The following CDH12 variants were observed in gnomAD, a reference collection of about 807,000 sequenced individuals.
CDH12 encodes the protein cadherin 12, also known as cadherin-12.
Under a neutral mutation model 74.1 loss-of-function variants are expected in CDH12, and 41 were observed. That is an observed-to-expected ratio of 0.55 (90% CI 0.43 to 0.72). The LOEUF is 0.72. CDH12 is among the 30% of genes least tolerant of loss of function. The probability of loss-of-function intolerance (pLI) is 0.00; values close to 1 mark genes in which losing one functional copy is unlikely to be tolerated. For missense variants in CDH12, 945 were observed against 977.2 expected (o/e 0.97, Z 0.44); for synonymous variants, 399 against 355.0 (o/e 1.12, Z -1.39).
At chr5:22,413,547 A>G (rs943548184) in intron 2 of CDH12, among the ~76,000 whole-genome samples, 13 of 152,018 alleles carry the variant, frequency 8.6e-5, no homozygotes, top group Non-Finnish European at 1.3e-4. Context: ...TATTGCTTTG[A>G]AAAGTGAATA....
chr5:22,132,138 A>C (rs535615454), intron 4 of CDH12, among the ~76,000 whole-genome samples: 1 of 152,056 alleles, frequency 6.6e-6, no homozygotes, highest in African/African-American at 2.4e-5. Flanking sequence ...ATACAGGTAT[A>C]GATAAACATA....
At chr5:21,952,803 C>T (rs926454703) in intron 6 of CDH12, among the ~76,000 whole-genome samples, 40 of 150,536 alleles carry the variant, frequency 2.7e-4, no homozygotes, top group African/African-American at 9.3e-4. Context: ...GGGAGTCAGC[C>T]CTACGAATGA....
In CDH12 at chr5:22,469,668, A is replaced by G. The variant is rs531300164; in HGVS notation, c.-428+35602T>C. ...TTTACTTCAACCTGTAACAGGTTCA[A>G]TGGCAGTCATTTTCCAGTGTTATCT... On this transcript the variant is annotated intron_variant, in intron 2 of 14. Coordinates refer to ENST00000382254, the MANE Select transcript of CDH12 (RefSeq NM_004061.5). Among the ~76,000 whole-genome samples, 3 of 152,246 alleles carry G rather than the reference A, an allele frequency of 2.0e-5. No homozygotes were observed. In the South Asian group the frequency reaches 6.2e-4, roughly 32 times the overall value.
chr5:22,487,402 G>A (rs1471539554), intron 2 of CDH12, among the ~76,000 whole-genome samples: 4 of 152,028 alleles, frequency 2.6e-5, no homozygotes, highest in Non-Finnish European at 4.4e-5. Flanking sequence ...AATGTATATC[G>A]CATAATCACA....
intron 1 of CDH12, among the ~76,000 whole-genome samples, chr5:22,567,164 C>G (rs184366248): frequency 6.1e-4 from 93 of 152,214 alleles, no homozygotes; most frequent in Middle Eastern, 3.4e-3. Flanking sequence ...AGCAGCTACG[C>G]ATCAAAGTAA....
At chr5:21,950,791 T>TTA (rs1554047083) in intron 6 of CDH12, among the ~76,000 whole-genome samples, 2 of 130,960 alleles carry the variant, frequency 1.5e-5, no homozygotes, top group African/African-American at 6.1e-5. Context: ...ATTATTATTA[T>TTA]TATTATTATT....
At chr5:22,145,715 G>A (rs1747117715) in intron 4 of CDH12, among the ~76,000 whole-genome samples, 1 of 152,134 alleles carries the variant, frequency 6.6e-6, no homozygotes, top group Non-Finnish European at 1.5e-5. Flanking sequence ...GGTATAAACT[G>A]TGGCAGAAAG....
chr5:22,029,596 TA>T (rs1738665411), intron 5 of CDH12, among the ~76,000 whole-genome samples: 1 of 152,188 alleles, frequency 6.6e-6, no homozygotes, highest in South Asian at 2.1e-4. Context: ...TGGCAATCAT[TA>T]AAAAGTCAGG....
At chr5:22,077,447 C>A (rs1209197340) in intron 5 of CDH12, among the ~76,000 whole-genome samples, 1 of 152,050 alleles carries the variant, frequency 6.6e-6, no homozygotes, top group East Asian at 1.9e-4. Context: ...GGATTTGCTG[C>A]TCAAGAGTCA....
intron 1 of CDH12, among the ~76,000 whole-genome samples, chr5:22,728,187 G>T (rs954397757): frequency 6.6e-6 from 1 of 151,358 alleles, no homozygotes; most frequent in Non-Finnish European, 1.5e-5. Flanking sequence ...AAAAGCTATT[G>T]ATTGAATTCT....
intron 3 of CDH12, among the ~76,000 whole-genome samples, chr5:22,402,716 CT>C (rs1166816756): frequency 1.3e-5 from 2 of 152,050 alleles, no homozygotes; most frequent in Admixed American, 6.6e-5. Flanking sequence ...AGAGCAAATT[CT>C]AAAGAGAGGG....
rs1339007245 is a variant in CDH12 at position 22,796,538 on chromosome 5, G to A, written c.-523+56520C>T. ...TCTTTTTTTTTTTTTTTTTTTTTTT[G>A]AGACGGAGTCTCGCTCTGTCGCCCA... On this transcript the variant is annotated intron_variant, in intron 1 of 14. Transcript: ENST00000382254. 5.7e-5 allele frequency among the ~76,000 whole-genome samples: 2 copies of A among 34,790 alleles called. 1 individual carries two copies. The highest frequency in any genetic ancestry group is 2.2e-4 in the African/African-American group (2 of 8,916). 22.8% of individuals were successfully genotyped at this position (34,790 alleles called of 152,430 possible).
chr5:22,785,495 T>C (rs1747577164), intron 1 of CDH12, among the ~76,000 whole-genome samples: 1 of 152,068 alleles, frequency 6.6e-6, no homozygotes, highest in South Asian at 2.1e-4. Flanking sequence ...CTATTTTCTG[T>C]TATGTTTTGT....
intron 1 of CDH12, among the ~76,000 whole-genome samples, chr5:22,740,423 TA>T (rs71609777): frequency 1.7e-3 from 244 of 143,756 alleles, no homozygotes; most frequent in Middle Eastern, 3.7e-3. Context: ...ATTCATTAGG[TA>T]AAAAAAAAAA....
intron 1 of CDH12, among the ~76,000 whole-genome samples, chr5:22,716,624 A>C (rs140233542): frequency 8.4e-5 from 12 of 142,832 alleles, no homozygotes; most frequent in South Asian, 4.5e-4. Flanking sequence ...AAAAAAAAAA[A>C]CAAAAAATAA....
intron 1 of CDH12, among the ~76,000 whole-genome samples, chr5:22,641,765 C>G (rs1739164890): frequency 6.6e-6 from 1 of 152,156 alleles, no homozygotes; most frequent in South Asian, 2.1e-4. Flanking sequence ...AAAAAGATAT[C>G]TTAAAATTTT....
At chr5:22,429,359 G>C (rs1051788157) in intron 2 of CDH12, among the ~76,000 whole-genome samples, 4 of 151,830 alleles carry the variant, frequency 2.6e-5, no homozygotes, top group African/African-American at 9.7e-5. Flanking sequence ...GGTTGTTCTT[G>C]AATTCCTGGA....
chr5:21,816,518 A>T (rs993883805), intron 9 of CDH12, among the ~76,000 whole-genome samples: 1 of 148,954 alleles, frequency 6.7e-6, no homozygotes, highest in Non-Finnish European at 1.5e-5. Flanking sequence ...CCAGCTACTC[A>T]GGAGTTTGAG....
intron 5 of CDH12, among the ~76,000 whole-genome samples, chr5:22,027,101 T>C (rs1479732041): frequency 6.6e-6 from 1 of 152,184 alleles, no homozygotes; most frequent in Non-Finnish European, 1.5e-5. Flanking sequence ...GTTCTGTTTA[T>C]ATGCTGGATT....
Sources: gnomAD v4.1 joint callset for allele counts (sites outside exome capture counted in the v4.1 genomes callset) on GRCh38, gnomAD v4.1.1 for gene constraint, MANE v1.5 for transcripts, NCBI Gene and HGNC (gene_info 2026-07-23, HGNC 2026-07-21) for gene names.